Variants in EGLN3 observed in about 807,000 individuals in gnomAD.
EGLN3 encodes the protein egl-9 family hypoxia inducible factor 3.
In EGLN3, 15 loss-of-function variants were observed where a neutral mutation model predicts 26.0. That is an observed-to-expected ratio of 0.58 (90% CI 0.39 to 0.89). EGLN3 has a LOEUF of 0.89. EGLN3 is among the 40% of genes least tolerant of loss of function. The probability of loss-of-function intolerance (pLI) is 0.00; values close to 1 mark genes in which losing one functional copy is unlikely to be tolerated. For synonymous variants in EGLN3, 147 were observed against 127.2 expected (o/e 1.16, Z -1.05); for missense variants, 238 against 311.6 (o/e 0.76, Z 1.78).
At chr14:33,947,613 A>T (rs1324044386) in intron 1 of EGLN3, among the ~76,000 whole-genome samples, 2 of 152,196 alleles carry the variant, frequency 1.3e-5, no homozygotes, top group Non-Finnish European at 2.9e-5. Context: ...AATAAGCATA[A>T]CCTCAAGAAA....
chr14:33,950,708 G>C lies in EGLN3; in HGVS notation c.45C>G (p.Ala15=). 3.7e-6 allele frequency: 6 copies of C among 1,613,928 alleles called. No individual in the cohort carries two copies. Among genetic ancestry groups the C allele is most frequent in the Non-Finnish European group, 5.1e-6 (6 of 1,179,930 alleles). The change falls in exon 1 of 5, where the codon GCC becomes GCG. Residue 15 remains alanine, a synonymous_variant. Transcript: ENST00000250457. The stretch of plus-strand genomic sequence containing the variant: ...GCAGACAGGGCACGATGTACTCCAG[G>C]GCAATTTTCTCCAGGTCCAGCCTCA... ...HIMRLDLEKI[A]LEYIVPCLHE...
intron 1 of EGLN3, among the ~76,000 whole-genome samples, chr14:33,942,287 A>G (rs2064488857): frequency 1.3e-5 from 2 of 149,614 alleles, no homozygotes; most frequent in South Asian, 2.1e-4. Context: ...AAGGAAAGAA[A>G]GTTTAGTTAA....
chr14:33,933,228 G>A (rs1307560784), intron 1 of EGLN3, among the ~76,000 whole-genome samples: 1 of 150,500 alleles, frequency 6.6e-6, no homozygotes, highest in Non-Finnish European at 1.5e-5. Flanking sequence ...CTTGATCTAA[G>A]CATCAACCCT....
rs753457096 is a variant in EGLN3 at position 33,927,047 on chromosome 14, G to A, written c.615-14C>T. ...GTCATAGCATATCTGTGAAAGATAA[G>A]CAGATATAAGGAAAGAGATTTAATG... On this transcript the variant is annotated splice_polypyrimidine_tract_variant and intron_variant, in intron 3 of 4. Transcript: ENST00000250457. The A allele has an allele frequency of 1.3e-6, 2 of 1,573,990 alleles. No homozygotes were observed. The highest frequency in any genetic ancestry group is 1.8e-5 in the Admixed American group (1 of 55,386).
chr14:33,946,412 A>G (rs2064518839), intron 1 of EGLN3, among the ~76,000 whole-genome samples: 1 of 152,176 alleles, frequency 6.6e-6, no homozygotes. Flanking sequence ...GTAGGAAAAC[A>G]TCAGCACAGT....
intron 1 of EGLN3, chr14:33,948,513 C>T (rs1197922800): frequency 6.6e-6 from 1 of 152,190 alleles, no homozygotes; most frequent in Non-Finnish European, 1.5e-5. Flanking sequence ...AATTCACGAT[C>T]ACCTTCTGAC....
At chr14:33,945,639 G>A (rs978935758) in intron 1 of EGLN3, among the ~76,000 whole-genome samples, 5 of 152,212 alleles carry the variant, frequency 3.3e-5, no homozygotes. Context: ...TGGAGGTCAT[G>A]AGGCTCCTGA....
intron 1 of EGLN3, among the ~76,000 whole-genome samples, chr14:33,939,735 C>T (rs1035288248): frequency 3.9e-5 from 6 of 152,138 alleles, no homozygotes; most frequent in African/African-American, 1.2e-4. Flanking sequence ...CCCTAACAAC[C>T]GCATGAAGTA....
rs1479706504 is a variant in EGLN3, at chr14:33,947,654, A to G, written c.357+2742T>C. Among the ~76,000 whole-genome samples the G allele has an allele frequency of 2.6e-5, 4 of 152,216 alleles. 1 individual carries two copies. The highest frequency in any genetic ancestry group is 9.7e-5 in the African/African-American group (4 of 41,450). On this transcript the variant is annotated intron_variant, in intron 1 of 4. Coordinates refer to ENST00000250457, the MANE Select transcript of EGLN3 (RefSeq NM_022073.4). ...AGTAGCTAAAAAAAATTGGTCTAAAACAAATGTACATATTGGCAATTGTTG... is the reference window on the plus strand; with the variant it reads ...AGTAGCTAAAAAAAATTGGTCTAAAGCAAATGTACATATTGGCAATTGTTG...
At chr14:33,940,873 T>C (rs776238518) in intron 1 of EGLN3, among the ~76,000 whole-genome samples, 1 of 152,212 alleles carries the variant, frequency 6.6e-6, no homozygotes, top group Non-Finnish European at 1.5e-5. Context: ...TTTCCAATTG[T>C]AACTTTCTAG....
rs765883949 is a variant in EGLN3 at position 33,929,198 on chromosome 14, G to T, written c.492C>A (p.Ile164=). 1.2e-6 allele frequency: 2 copies of T among 1,614,092 alleles called. No individual in the cohort carries two copies. The highest frequency in any genetic ancestry group is 2.2e-5 in the South Asian group (2 of 91,060). Residue 164 remains isoleucine (I), a synonymous_variant, in exon 3 of 5, where the codon ATC becomes ATA. Coordinates refer to ENST00000250457, the MANE Select transcript of EGLN3 (RefSeq NM_022073.4). The part of the protein sequence containing the change: ...KNWDAKLHGG[I]LRIFPEGKSF... ...ATTTCCCCTCTGGAAATATCCGCAG[G>T]ATCCCACCATGTAGCTGAAAGACAC...
At chr14:33,945,852 A>G (rs957862916) in intron 1 of EGLN3, among the ~76,000 whole-genome samples, 2 of 152,234 alleles carry the variant, frequency 1.3e-5, no homozygotes, top group Admixed American at 6.5e-5. Flanking sequence ...ACCTCACATG[A>G]GAAGGGTGGG....
chr14:33,948,476 G>A (rs2064533066), intron 1 of EGLN3: 1 of 152,172 alleles, frequency 6.6e-6, no homozygotes, highest in Non-Finnish European at 1.5e-5. Context: ...GGAAATCTGG[G>A]GGTGGGACAG....
At chr14:33,946,556 T>C (rs1379215807) in intron 1 of EGLN3, among the ~76,000 whole-genome samples, 2 of 152,122 alleles carry the variant, frequency 1.3e-5, no homozygotes, top group African/African-American at 4.8e-5. Flanking sequence ...AATTCGTTCA[T>C]CATGGCACCA....
chr14:33,926,699 A>C (rs2064364711), intron 4 of EGLN3, among the ~76,000 whole-genome samples: 1 of 152,204 alleles, frequency 6.6e-6, no homozygotes. Flanking sequence ...GGTTAACATT[A>C]ATAGGAAAAA....
intron 3 of EGLN3, 52 bp from the exon 4 acceptor site, chr14:33,927,085 A>G: frequency 1.5e-6 from 2 of 1,315,798 alleles, no homozygotes; most frequent in South Asian, 1.7e-5. Flanking sequence ...ACTACTAGAA[A>G]CACAAATGTC....
intron 1 of EGLN3, chr14:33,949,889 C>T: frequency 2.0e-5 from 4 of 201,506 alleles, no homozygotes; most frequent in East Asian, 1.2e-4. Flanking sequence ...CCCTTTCACA[C>T]CTGCCCAACT....
rs186488657 is a variant in EGLN3 at position 33,925,614 on chromosome 14, T to C, written c.*277A>G. ...CTCCTAGGCTCTTCTCTTGATAGTATTACCGAATCTATCAGGTAAACCGCT... is the reference window on the plus strand; with the variant it reads ...CTCCTAGGCTCTTCTCTTGATAGTACTACCGAATCTATCAGGTAAACCGCT... On this transcript the variant is annotated 3_prime_UTR_variant, in exon 5 of 5. Transcript: ENST00000250457. 2 of 463,232 alleles carry C rather than the reference T, an allele frequency of 4.3e-6. No homozygotes were observed. The highest frequency in any genetic ancestry group is 3.9e-5 in the East Asian group (1 of 25,920). The allele number at this position is 463,232 out of a possible 1,614,324, so 28.7% of individuals were successfully genotyped here.
intron 1 of EGLN3, among the ~76,000 whole-genome samples, chr14:33,934,704 A>T (rs1011337971): frequency 6.6e-6 from 1 of 152,206 alleles, no homozygotes; most frequent in Non-Finnish European, 1.5e-5. Flanking sequence ...TGCCGTTACC[A>T]CTTCTCTGCT....
Sources: allele counts gnomAD v4.1 joint callset (sites outside exome capture counted in the v4.1 genomes callset), GRCh38; gene constraint gnomAD v4.1.1; transcripts MANE v1.5; gene names NCBI Gene and HGNC (gene_info 2026-07-23, HGNC 2026-07-21).